The following TBCK variants were observed in gnomAD, a reference collection of about 807,000 sequenced individuals.
The protein encoded by TBCK is TBC1 domain containing kinase.
Under a neutral mutation model 113.4 loss-of-function variants are expected in TBCK, and 99 were observed. The observed-to-expected ratio is 0.87, with a 90% CI of 0.74 to 1.03. The LOEUF (loss-of-function observed/expected upper bound fraction) is 1.03. TBCK is among the 50% of genes least tolerant of loss of function. The pLI, the probability that TBCK is intolerant of heterozygous loss-of-function variation, is 0.00. For synonymous variants in TBCK, 369 were observed against 370.8 expected (o/e 1.00, Z 0.05); for missense variants, 1,045 against 1,061.3 (o/e 0.98, Z 0.21).
In TBCK at chr4:106,236,756, C is replaced by G. The variant is rs2150011607; in HGVS notation, c.1220+3G>C. 6.8e-7 allele frequency: 1 copy of G among 1,477,542 alleles called. No individual in the cohort carries two copies. Among genetic ancestry groups the G allele is most frequent in the East Asian group, 2.5e-5 (1 of 40,688 alleles). 91.5% of individuals were successfully genotyped at this position (1,477,542 alleles called of 1,614,324 possible). ...AATCTAAAATGAGACTACATATACT[C>G]ACTCATCTTCAAGTAATGGGTAAAA... is the stretch of plus-strand genomic sequence containing the variant. On this transcript the variant is annotated splice_donor_region_variant and intron_variant, in intron 13 of 25. Transcript: ENST00000394708.
chr4:106,190,886 G>A (rs1753589429), intron 22 of TBCK, among the ~76,000 whole-genome samples: 2 of 152,078 alleles, frequency 1.3e-5, no homozygotes, highest in Non-Finnish European at 1.5e-5. Flanking sequence ...GACTACAGGC[G>A]CCTGCCACCA....
chr4:106,240,122 A>G (rs1759927133), intron 12 of TBCK, among the ~76,000 whole-genome samples: 1 of 152,054 alleles, frequency 6.6e-6, no homozygotes, highest in African/African-American at 2.4e-5. Context: ...AACATAATAC[A>G]TAAAAAAGCA....
intron 25 of TBCK, among the ~76,000 whole-genome samples, chr4:106,072,888 C>T (rs1737649167): frequency 6.6e-6 from 1 of 152,108 alleles, no homozygotes; most frequent in Admixed American, 6.5e-5. Context: ...TTGATCGAAT[C>T]AGCTACTGAA....
intron 23 of TBCK, among the ~76,000 whole-genome samples, chr4:106,118,583 T>A (rs897637401): frequency 6.6e-6 from 1 of 152,184 alleles, no homozygotes; most frequent in African/African-American, 2.4e-5. Flanking sequence ...CTACAGGTAT[T>A]TTTTCCAGCC....
chr4:106,241,412 A>G (rs1299524831), intron 12 of TBCK, among the ~76,000 whole-genome samples: 1 of 151,962 alleles, frequency 6.6e-6, no homozygotes, highest in Non-Finnish European at 1.5e-5. Flanking sequence ...AAAATCAGCT[A>G]GTAGAGGAAG....
At chr4:106,093,620 T>C (rs1452782425) in intron 25 of TBCK, among the ~76,000 whole-genome samples, 1 of 152,174 alleles carries the variant, frequency 6.6e-6, no homozygotes, top group Non-Finnish European at 1.5e-5. Context: ...CTAATCTGAC[T>C]TTTACAGTTT....
At chr4:106,175,354 T>C (rs1327316745) in intron 22 of TBCK, among the ~76,000 whole-genome samples, 2 of 141,770 alleles carry the variant, frequency 1.4e-5, no homozygotes, top group Admixed American at 7.2e-5. Context: ...AAAAATCAGA[T>C]TGAATTTTTT....
chr4:106,308,977 C>T lies in TBCK; in HGVS notation c.-17G>A, dbSNP rs1429340708. 6.2e-7 allele frequency: 1 copy of T among 1,600,732 alleles called. No individual in the cohort carries two copies. Among genetic ancestry groups the T allele is most frequent in the Non-Finnish European group, 8.5e-7 (1 of 1,174,084 alleles). ...GGGAAACATTTTTGGAGTCCTAGGT[C>T]TTCTAAGATAATCTGGAAAAGGAGA... On this transcript the variant is annotated 5_prime_UTR_variant, in exon 2 of 26. Transcript: ENST00000394708.
At chr4:106,130,054 A>G (rs1745697501) in intron 23 of TBCK, among the ~76,000 whole-genome samples, 1 of 152,182 alleles carries the variant, frequency 6.6e-6, no homozygotes, top group Non-Finnish European at 1.5e-5. Flanking sequence ...ACAGGTCTGT[A>G]GCTAATATCC....
chr4:106,143,580 T>C (rs1400401629), intron 23 of TBCK, among the ~76,000 whole-genome samples: 1 of 152,036 alleles, frequency 6.6e-6, no homozygotes, highest in African/African-American at 2.4e-5. Context: ...AAATCAGAAA[T>C]ATTTAGGTTG....
intron 2 of TBCK, among the ~76,000 whole-genome samples, chr4:106,299,276 G>T (rs1766661137): frequency 6.6e-6 from 1 of 152,204 alleles, no homozygotes; most frequent in South Asian, 2.1e-4. Context: ...ACTGAACAGA[G>T]CCCTGTCCTG....
intron 23 of TBCK, among the ~76,000 whole-genome samples, chr4:106,166,421 A>G (rs1323712617): frequency 1.3e-5 from 2 of 151,840 alleles, no homozygotes; most frequent in Non-Finnish European, 3.0e-5. Flanking sequence ...CCTTTTATAG[A>G]AAATGATTAA....
At chr4:106,134,944 T>C (rs1050310863) in intron 23 of TBCK, among the ~76,000 whole-genome samples, 2 of 152,180 alleles carry the variant, frequency 1.3e-5, no homozygotes, top group African/African-American at 2.4e-5. Context: ...AATCAACCAG[T>C]ACAGTCAATC....
chr4:106,160,773 A>G (rs1389190683), intron 23 of TBCK, among the ~76,000 whole-genome samples: 2 of 152,070 alleles, frequency 1.3e-5, no homozygotes, highest in Non-Finnish European at 2.9e-5. Flanking sequence ...GATATATGCC[A>G]AAAGGAACTG....
chr4:106,161,808 G>A (rs1749832124), intron 23 of TBCK, among the ~76,000 whole-genome samples: 1 of 151,864 alleles, frequency 6.6e-6, no homozygotes, highest in Non-Finnish European at 1.5e-5. Context: ...CTAATAACCG[G>A]AAGCCATGGT....
chr4:106,287,124 T>C (rs1268885014), intron 3 of TBCK, among the ~76,000 whole-genome samples: 1 of 152,018 alleles, frequency 6.6e-6, no homozygotes, highest in Non-Finnish European at 1.5e-5. Flanking sequence ...TCTGGAACTT[T>C]TGGGAGCACA....
intron 3 of TBCK, among the ~76,000 whole-genome samples, chr4:106,291,452 G>A (rs539652828): frequency 6.6e-6 from 1 of 152,312 alleles, no homozygotes; most frequent in African/African-American, 2.4e-5. Flanking sequence ...TGTAACAGAT[G>A]ATTCACATTC....
intron 3 of TBCK, among the ~76,000 whole-genome samples, chr4:106,266,416 TTCTC>T (rs534548720): frequency 1.7e-3 from 257 of 151,928 alleles, no homozygotes; most frequent in African/African-American, 5.8e-3. Flanking sequence ...ATAGATGTCT[TTCTC>T]ATGAAATTAA....
At chr4:106,271,922 T>C (rs1008552173) in intron 3 of TBCK, among the ~76,000 whole-genome samples, 1 of 152,140 alleles carries the variant, frequency 6.6e-6, no homozygotes, top group Non-Finnish European at 1.5e-5. Context: ...GGCTCATTAA[T>C]ATAGATACTG....
Sources: allele counts gnomAD v4.1 joint callset (sites outside exome capture counted in the v4.1 genomes callset), GRCh38; gene constraint gnomAD v4.1.1; transcripts MANE v1.5; gene names NCBI Gene and HGNC (gene_info 2026-07-23, HGNC 2026-07-21).